Variants in LONRF2 observed in about 807,000 individuals in gnomAD.
LONRF2 encodes the protein LON peptidase N-terminal domain and RING finger protein 2.
A neutral mutation model predicts 66.6 loss-of-function variants in LONRF2; 35 were observed. The observed-to-expected ratio is 0.53, with a 90% CI of 0.40 to 0.70. The LOEUF is 0.70. Among genes scored for constraint, LONRF2 ranks in the 30% least tolerant of loss-of-function variants. The probability of loss-of-function intolerance (pLI) is 0.00; values close to 1 mark genes in which losing one functional copy is unlikely to be tolerated. For synonymous variants in LONRF2, 417 were observed against 418.1 expected (o/e 1.00, Z 0.03); for missense variants, 902 against 1,002.1 (o/e 0.90, Z 1.35).
rs1675657888 is a variant in LONRF2, at chr2:100,322,321, G to A, written c.-228C>T. 5.8e-6 allele frequency: 2 copies of A among 343,118 alleles called. No homozygotes were observed. Among genetic ancestry groups the A allele is most frequent in the South Asian group, 1.5e-4 (1 of 6,842 alleles). 21.3% of individuals were successfully genotyped at this position (343,118 alleles called of 1,614,324 possible). A position where few individuals can be genotyped will look rare whatever the true frequency, so the allele number is the denominator to read the frequency against. On this transcript the variant is annotated 5_prime_UTR_variant, in exon 1 of 12. It adds an upstream start codon to the 5' untranslated region. Transcript: ENST00000393437. ...CGGCGAGCCCCGCAGGGCTGCAATC[G>A]TTCCGGGGTGGGGGCCGGGACAGGC... is the stretch of plus-strand genomic sequence containing the variant.
intron 3 of LONRF2, among the ~76,000 whole-genome samples, chr2:100,302,169 AG>A (rs1675197708): frequency 6.6e-6 from 1 of 152,248 alleles, no homozygotes; most frequent in Admixed American, 6.5e-5. Context: ...CACATCCAGA[AG>A]AGGAAATCTT....
chr2:100,309,704 G>A (rs1033835593), intron 1 of LONRF2, among the ~76,000 whole-genome samples: 6 of 151,418 alleles, frequency 4.0e-5, no homozygotes, highest in Non-Finnish European at 5.9e-5. Flanking sequence ...ATCGAGTCTC[G>A]CTCTGTCACC....
intron 10 of LONRF2, 121 bp from the exon 11 acceptor site, chr2:100,287,184 G>T: frequency 2.1e-6 from 2 of 938,442 alleles, no homozygotes; most frequent in East Asian, 2.9e-5. Context: ...TAATTCATCA[G>T]TTTCACAAAA....
intron 1 of LONRF2, chr2:100,309,454 G>A: frequency 4.2e-6 from 1 of 240,354 alleles, no homozygotes; most frequent in Non-Finnish European, 7.9e-6. Flanking sequence ...CAGGAAAACA[G>A]GAAGAAGATT....
chr2:100,321,956 A>G lies in LONRF2; in HGVS notation c.138T>C (p.Phe46=). ...AGDYEMAAEL[F]RSMLAGLAQP... The stretch of plus-strand genomic sequence containing the variant: ...GCGCCAGCCCGGCTAGCATGGAGCG[A>G]AAGAGCTCGGCTGCCATCTCGTAGT... The change falls in exon 1 of 12, where the codon TTT becomes TTC. Residue 46 remains phenylalanine, a synonymous_variant. Transcript: ENST00000393437. 3.4e-6 allele frequency: 5 copies of G among 1,463,842 alleles called. No individual in the cohort carries two copies. Among genetic ancestry groups the G allele is most frequent in the Non-Finnish European group, 4.5e-6 (5 of 1,108,904 alleles). The allele number at this position is 1,463,842 out of a possible 1,614,324, so 90.7% of individuals were successfully genotyped here. A position where few individuals can be genotyped will look rare whatever the true frequency, so the allele number is the denominator to read the frequency against.
At chr2:100,313,276 C>T (rs934279674) in intron 1 of LONRF2, among the ~76,000 whole-genome samples, 1 of 152,208 alleles carries the variant, frequency 6.6e-6, no homozygotes. Flanking sequence ...GGGCGGATCA[C>T]TTGAGGTCAG....
In LONRF2 at chr2:100,275,144, C is replaced by A. The variant is rs1674572936; in HGVS notation, c.*9154G>T. 6.6e-6 allele frequency: 1 copy of A among 152,250 alleles called. No individual in the cohort carries two copies. Among genetic ancestry groups the A allele is most frequent in the African/African-American group, 2.4e-5 (1 of 41,450 alleles). 9.4% of individuals were successfully genotyped at this position (152,250 alleles called of 1,614,324 possible). A position where few individuals can be genotyped will look rare whatever the true frequency, so the allele number is the denominator to read the frequency against. ...GCCTAAATTATAAGAGGACTGAGCTCATTCAGTCCTTGGTGCTGCAGACTA... is the reference window on the plus strand; with the variant it reads ...GCCTAAATTATAAGAGGACTGAGCTAATTCAGTCCTTGGTGCTGCAGACTA... On this transcript the variant is annotated 3_prime_UTR_variant, in exon 12 of 12. Coordinates refer to ENST00000393437, the MANE Select transcript of LONRF2 (RefSeq NM_198461.4).
intron 2 of LONRF2, among the ~76,000 whole-genome samples, chr2:100,306,951 C>T (rs1371751542): frequency 5.7e-5 from 8 of 139,792 alleles, no homozygotes; most frequent in South Asian, 4.5e-4. Context: ...GGTGGAGTCT[C>T]GCTCTGTTGC....
At position 100,283,938 on chromosome 2, in the gene LONRF2, C is replaced by T. The variant is rs1674791332; in HGVS notation, c.*360G>A. The stretch of plus-strand genomic sequence containing the variant: ...AGCACGCCTTTACCATCTGGCAGAG[C>T]CAGATGCTGACTGGGAAGTGAATCC... On this transcript the variant is annotated 3_prime_UTR_variant, in exon 12 of 12. Transcript: ENST00000393437. The T allele has an allele frequency of 5.9e-6, 1 of 168,320 alleles. No individual in the cohort carries two copies. The highest frequency in any genetic ancestry group is 1.3e-5 in the Non-Finnish European group (1 of 78,916). 10.4% of individuals were successfully genotyped at this position (168,320 alleles called of 1,614,324 possible).
intron 2 of LONRF2, among the ~76,000 whole-genome samples, chr2:100,307,098 T>G (rs1675312550): frequency 6.6e-6 from 1 of 152,024 alleles, no homozygotes; most frequent in Non-Finnish European, 1.5e-5. Flanking sequence ...TTTTTTGTAT[T>G]TTTAGTAGAC....
At chr2:100,299,145 T>C in intron 6 of LONRF2, 81 bp downstream of exon 6, 2 of 1,061,062 alleles carry the variant, frequency 1.9e-6, no homozygotes, top group Non-Finnish European at 2.8e-6. Context: ...TCCGTGATAA[T>C]AAAAAGCCCA....
Position 100,284,400 on chromosome 2 carries a change from C to T in LONRF2, c.2163G>A (p.Ser721=), listed in dbSNP as rs115283006. The part of the protein sequence containing the change: ...KAQLAILGMT[S]LKERLLAIRR... ...GGATGGCAAGGAGCCGCTCTTTGAG[C>T]GAGGTCATGCCGAGGATGGCCAGCT... is the stretch of plus-strand genomic sequence containing the variant. Residue 721 remains serine (S), a synonymous_variant, in exon 12 of 12, where the codon TCG becomes TCA. Coordinates refer to ENST00000393437, the MANE Select transcript of LONRF2 (RefSeq NM_198461.4). 162 of 1,603,372 alleles carry T rather than the reference C, an allele frequency of 1.0e-4. No individual in the cohort carries two copies. The African/African-American group carries it at 1.8e-3, about 18-fold the overall frequency.
rs529341592 is a variant in LONRF2, at chr2:100,311,753, A to G, written c.680-2528T>C. ...ATTCCTAGTTTTCTGTAAGGACTTTATAACAAGTAGGTGTTGAATTTTATA... is the reference window on the plus strand; with the variant it reads ...ATTCCTAGTTTTCTGTAAGGACTTTGTAACAAGTAGGTGTTGAATTTTATA... On this transcript the variant is annotated intron_variant, in intron 1 of 11. Coordinates refer to ENST00000393437, the MANE Select transcript of LONRF2 (RefSeq NM_198461.4). Among the ~76,000 whole-genome samples the G allele has an allele frequency of 4.1e-4, 63 of 152,306 alleles. 1 individual carries two copies. Among genetic ancestry groups the G allele is most frequent in the African/African-American group, 1.4e-3 (60 of 41,592 alleles).
Position 100,279,619 on chromosome 2 carries a change from G to C in LONRF2, c.*4679C>G, listed in dbSNP as rs1271137973. 6.6e-6 allele frequency: 1 copy of C among 152,102 alleles called. No individual in the cohort carries two copies. Among genetic ancestry groups the C allele is most frequent in the African/African-American group, 2.4e-5 (1 of 41,396 alleles). The allele number at this position is 152,102 out of a possible 1,614,324, so 9.4% of individuals were successfully genotyped here. On this transcript the variant is annotated 3_prime_UTR_variant, in exon 12 of 12. Transcript: ENST00000393437. ...GGGCCTCGCTGACCCAGGAGAAACT[G>C]CCCATCCCAGGGTGAGCCAATTCTT...
intron 1 of LONRF2, among the ~76,000 whole-genome samples, chr2:100,319,756 A>C (rs1675583533): frequency 6.6e-6 from 1 of 152,150 alleles, no homozygotes; most frequent in Non-Finnish European, 1.5e-5. Context: ...CTTACTGGAC[A>C]TTTGGGTTGT....
chr2:100,296,368 T>C (rs558086478), intron 7 of LONRF2, among the ~76,000 whole-genome samples: 1 of 152,310 alleles, frequency 6.6e-6, no homozygotes, highest in South Asian at 2.1e-4. Context: ...ATACTATAGT[T>C]GTTCTCTCCA....
At chr2:100,298,751 G>C (rs1289149182) in intron 7 of LONRF2, 85 bp downstream of exon 7, 3 of 921,876 alleles carry the variant, frequency 3.3e-6, no homozygotes, top group Admixed American at 1.8e-5. Context: ...ACAACTGGGT[G>C]GGGGAAGCAA....
chr2:100,315,774 C>T (rs567949462), intron 1 of LONRF2, among the ~76,000 whole-genome samples: 36 of 152,234 alleles, frequency 2.4e-4, no homozygotes, highest in African/African-American at 7.5e-4. Flanking sequence ...CAACTATATT[C>T]GTAAGAAACA....
chr2:100,302,331 G>GT (rs1466814265), intron 3 of LONRF2, among the ~76,000 whole-genome samples: 1 of 152,176 alleles, frequency 6.6e-6, no homozygotes, highest in Non-Finnish European at 1.5e-5. Flanking sequence ...AACTACACAG[G>GT]TAAGTAAAAA....
Sources: allele counts gnomAD v4.1 joint callset (sites outside exome capture counted in the v4.1 genomes callset), GRCh38; gene constraint gnomAD v4.1.1; transcripts MANE v1.5; gene names NCBI Gene and HGNC (gene_info 2026-07-23, HGNC 2026-07-21).